The following DDX21 variants were observed in gnomAD, a reference collection of about 807,000 sequenced individuals.
The protein encoded by DDX21 is nucleolar RNA helicase 2.
A neutral mutation model predicts 90.0 loss-of-function variants in DDX21; 18 were observed. The ratio of observed to expected loss-of-function variants is 0.20; its 90% CI spans 0.14 to 0.30. The LOEUF (loss-of-function observed/expected upper bound fraction) is 0.30. Ranked by LOEUF, DDX21 falls within the 10% of genes least tolerant of loss-of-function variation. The pLI is 1.00. For missense variants in DDX21, 673 were observed against 944.5 expected (o/e 0.71, Z 3.77); for synonymous variants, 294 against 318.0 (o/e 0.92, Z 0.80).
At chr10:68,980,702 C>T (rs984844602) in intron 13 of DDX21, among the ~76,000 whole-genome samples, 2 of 151,936 alleles carry the variant, frequency 1.3e-5, no homozygotes, top group African/African-American at 4.8e-5. Context: ...GAGGATGGCA[C>T]TTAATATTAA....
chr10:68,973,958 T>C (rs1843060165), intron 10 of DDX21, among the ~76,000 whole-genome samples: 1 of 152,156 alleles, frequency 6.6e-6, no homozygotes, highest in South Asian at 2.1e-4. Flanking sequence ...GAAAATCAAA[T>C]GAATGAGGGT....
At chr10:68,965,545 G>T (rs1253385965) in intron 5 of DDX21, 51 bp downstream of exon 5, 1 of 1,314,038 alleles carries the variant, frequency 7.6e-7, no homozygotes, top group South Asian at 1.2e-5. Flanking sequence ...ATTGTTGACT[G>T]CTCTGATTGG....
chr10:68,971,403 T>G (rs1843026666), intron 8 of DDX21, among the ~76,000 whole-genome samples: 1 of 152,074 alleles, frequency 6.6e-6, no homozygotes, highest in Non-Finnish European at 1.5e-5. Flanking sequence ...TAATTTTATT[T>G]TTTTAAATTT....
intron 12 of DDX21, among the ~76,000 whole-genome samples, chr10:68,978,060 C>G (rs1203333853): frequency 1.3e-5 from 2 of 152,170 alleles, no homozygotes; most frequent in East Asian, 3.9e-4. Context: ...GTTGAGGCTG[C>G]AGAGATCCAT....
At position 68,980,832 on chromosome 10, in the gene DDX21, C is replaced by CAA. The variant is rs11340675; in HGVS notation, c.2038-686_2038-685dup. On this transcript the variant is annotated intron_variant, in intron 13 of 14. Coordinates refer to ENST00000354185, the MANE Select transcript of DDX21 (RefSeq NM_004728.4). ...TAATGTAGTGAGACCCTGTCTCTAC[C>CAA]AAAAAAAAAAAAAAAAAAAAGCCAG... is the stretch of plus-strand genomic sequence containing the variant. Among the ~76,000 whole-genome samples, 290 of 99,602 alleles carry CAA rather than the reference C, an allele frequency of 2.9e-3. 4 individuals are homozygous for CAA. Among genetic ancestry groups the CAA allele is most frequent in the African/African-American group, 9.3e-3 (267 of 28,702 alleles). 65.3% of individuals were successfully genotyped at this position (99,602 alleles called of 152,430 possible).
intron 1 of DDX21, 47 bp from the exon 2 acceptor site, chr10:68,959,759 T>TA (rs779827842): frequency 9.0e-6 from 12 of 1,327,894 alleles, no homozygotes; most frequent in Non-Finnish European, 1.1e-5. Context: ...TGCAAATGTA[T>TA]AAATGCCTTA....
In DDX21 at chr10:68,956,841, G is replaced by C. The variant is rs1762522809; in HGVS notation, c.87+529G>C. 4 of 793,586 alleles carry C rather than the reference G, an allele frequency of 5.0e-6. No individual in the cohort carries two copies. The South Asian group carries it at 2.2e-4, about 43-fold the overall frequency. The allele number at this position is 793,586 out of a possible 1,614,324, so 49.2% of individuals were successfully genotyped here. A position where few individuals can be genotyped will look rare whatever the true frequency, so the allele number is the denominator to read the frequency against. On this transcript the variant is annotated intron_variant, in intron 1 of 14. Transcript: ENST00000354185. ...GCGGATCATGAGGTCAGGAGTTCGAGACCAGCCTGGCCAACATAGTGAAAT... is the reference window on the plus strand; with the variant it reads ...GCGGATCATGAGGTCAGGAGTTCGACACCAGCCTGGCCAACATAGTGAAAT...
At chr10:68,956,509 A>C (rs1165980018) in intron 1 of DDX21, 197 bp downstream of exon 1, 4 of 1,430,670 alleles carry the variant, frequency 2.8e-6, no homozygotes, top group Non-Finnish European at 3.7e-6. Context: ...TGCCCGACCG[A>C]GCCAGGTCCG....
chr10:68,975,565 A>G (rs1157167250), intron 11 of DDX21, among the ~76,000 whole-genome samples: 1 of 152,222 alleles, frequency 6.6e-6, no homozygotes, highest in East Asian at 1.9e-4. Flanking sequence ...TATTTAAAAA[A>G]CAGACACAGG....
Position 68,982,864 on chromosome 10 carries a change from G to A in DDX21, c.*52G>A. On this transcript the variant is annotated 3_prime_UTR_variant, in exon 15 of 15. Transcript: ENST00000354185. ...AAAGAGAATGATGTTTGGCAATATAGAACTGAACATTATTTTTCATGCAAA... is the reference window on the plus strand; with the variant it reads ...AAAGAGAATGATGTTTGGCAATATAAAACTGAACATTATTTTTCATGCAAA... 1 of 1,589,886 alleles carries A rather than the reference G, an allele frequency of 6.3e-7. No individual in the cohort carries two copies. Among genetic ancestry groups the A allele is most frequent in the Non-Finnish European group, 8.6e-7 (1 of 1,166,018 alleles).
intron 14 of DDX21, 78 bp downstream of exon 14, chr10:68,981,659 T>C (rs753990600): frequency 5.6e-6 from 7 of 1,254,884 alleles, no homozygotes; most frequent in Non-Finnish European, 6.9e-6. Flanking sequence ...GAATAATAGA[T>C]TGGGAAACAA....
At chr10:68,964,064 A>T (rs1031960501) in intron 4 of DDX21, 1 of 366,996 alleles carries the variant, frequency 2.7e-6, no homozygotes, top group African/African-American at 2.3e-5. Flanking sequence ...GCACCACTGC[A>T]CTCCAGCCTG....
intron 8 of DDX21, 72 bp downstream of exon 8, chr10:68,970,422 G>T: frequency 2.1e-6 from 3 of 1,440,128 alleles, no homozygotes; most frequent in East Asian, 2.5e-5. Flanking sequence ...ATCTGCTCTT[G>T]GTCTGATTTT....
At chr10:68,981,673 T>G (rs897783546) in intron 14 of DDX21, 92 bp downstream of exon 14, 1 of 1,117,190 alleles carries the variant, frequency 9.0e-7, no homozygotes, top group Non-Finnish European at 1.3e-6. Context: ...GAAACAATAG[T>G]TCTGGTTCCT....
In DDX21 at chr10:68,967,094, A is replaced by C. The variant is rs751397766; in HGVS notation, c.981A>C (p.Lys327Asn). 1.6e-5 allele frequency: 26 copies of C among 1,612,542 alleles called. No individual in the cohort carries two copies. In the South Asian group the frequency reaches 2.9e-4, roughly 18 times the overall value. The change falls in exon 6 of 15, where the codon AAA becomes AAC. Residue 327 changes from lysine to asparagine, a missense_variant. Lys to Asn is a moderately conservative substitution (Grantham distance 94). Coordinates refer to ENST00000354185, the MANE Select transcript of DDX21 (RefSeq NM_004728.4). ...GRIKDHIQNG[K>N]LDLTKLKHVV... is the part of the protein sequence containing the mutation. ...TCAAAGACCACATACAGAATGGCAA[A>C]CTAGATCTCACCAAACTTAAGCATG...
intron 4 of DDX21, chr10:68,964,098 C>G: frequency 5.4e-6 from 1 of 184,634 alleles, no homozygotes; most frequent in Admixed American, 7.9e-5. Context: ...GACTCCGTCT[C>G]AAGAAAAAAA....
At chr10:68,961,769 A>G (rs1344259368) in intron 2 of DDX21, among the ~76,000 whole-genome samples, 1 of 152,220 alleles carries the variant, frequency 6.6e-6, no homozygotes, top group Non-Finnish European at 1.5e-5. Context: ...ATTGTTGATT[A>G]TGGTTATGGA....
At position 68,983,710 on chromosome 10, in the gene DDX21, A is replaced by AAG. The variant is rs2132100253; in HGVS notation, c.*899_*900insGA. 6.6e-6 allele frequency: 1 copy of AAG among 151,712 alleles called. No individual in the cohort carries two copies. Among genetic ancestry groups the AAG allele is most frequent in the South Asian group, 2.1e-4 (1 of 4,822 alleles). 9.4% of individuals were successfully genotyped at this position (151,712 alleles called of 1,614,324 possible). ...GCTCAAGAGTATGTAAAAAAAAAAAAAAAAAAAAAGAACCAAACCACTGGA... is the reference window on the plus strand; with the variant it reads ...GCTCAAGAGTATGTAAAAAAAAAAAAAGAAAAAAAAAGAACCAAACCACTGGA... On this transcript the variant is annotated 3_prime_UTR_variant, in exon 15 of 15. Transcript: ENST00000354185.
Position 68,960,242 on chromosome 10 carries a change from T to C in DDX21, c.524T>C (p.Ile175Thr), listed in dbSNP as rs368402384. The C allele has an allele frequency of 8.8e-6, 14 of 1,596,206 alleles. No homozygotes were observed. In the African/African-American group the frequency reaches 1.9e-4, roughly 22 times the overall value. ...EAASEESNSE[I>T]EQEIPVEQKE... ...GCCAGTGAAGAAAGTAACAGTGAGA[T>C]AGAGCAGGTACATTTGCACTTCATT... The change falls in exon 2 of 15, where the codon ATA becomes ACA. Residue 175 changes from isoleucine to threonine, a missense_variant. Around this residue, in one of 4 missense-constraint regions of DDX21, gnomAD observed 204 missense variants for 221.6 expected, o/e 0.92. Coordinates refer to ENST00000354185, the MANE Select transcript of DDX21 (RefSeq NM_004728.4).
Sources: allele counts gnomAD v4.1 joint callset (sites outside exome capture counted in the v4.1 genomes callset), GRCh38; gene constraint gnomAD v4.1.1; regional missense constraint gnomAD v4.1.1; transcripts MANE v1.5; gene names NCBI Gene and HGNC (gene_info 2026-07-23, HGNC 2026-07-21).